ZNF23: variants seen among roughly 807,000 people sequenced by gnomAD.
ZNF23 encodes the protein kruppel-like zinc finger factor X31.
In ZNF23, 48 loss-of-function variants were observed where a neutral mutation model predicts 56.2. The ratio of observed to expected loss-of-function variants is 0.85; its 90% CI spans 0.68 to 1.09. The LOEUF (loss-of-function observed/expected upper bound fraction) is 1.09. Ranked by LOEUF, ZNF23 falls within the 50% of genes least tolerant of loss-of-function variation. The pLI is 0.00. For synonymous variants in ZNF23, 266 were observed against 283.3 expected (o/e 0.94, Z 0.61); for missense variants, 805 against 811.4 (o/e 0.99, Z 0.10).
chr16:71,455,655 C>A (rs958270457), intron 2 of ZNF23, among the ~76,000 whole-genome samples: 2 of 152,108 alleles, frequency 1.3e-5, no homozygotes, highest in African/African-American at 4.8e-5. Context: ...CCACACCCGG[C>A]CATGATTTTT....
At chr16:71,451,717 T>G (rs2043061985) in intron 4 of ZNF23, 1 of 152,196 alleles carries the variant, frequency 6.6e-6, no homozygotes, top group South Asian at 2.1e-4. Flanking sequence ...TCTATGGCAG[T>G]CTGTTATTGT....
At position 71,448,467 on chromosome 16, in the gene ZNF23, T is replaced by C. The variant is rs771249145; in HGVS notation, c.1687A>G (p.Thr563Ala). ...GKAFSINAKL[T>A]RHQRIHTGEK... ...CCAGTATGTATCCTCTGATGCCTAGTTAGTTTGGCATTGATACTGAAGGCT... is the reference window on the plus strand; with the variant it reads ...CCAGTATGTATCCTCTGATGCCTAGCTAGTTTGGCATTGATACTGAAGGCT... Residue 563 changes from threonine (T) to alanine (A), a missense_variant, in exon 5 of 5, where the codon ACT (threonine) becomes GCT (alanine). Coordinates refer to ENST00000647773, the MANE Select transcript of ZNF23 (RefSeq NM_001381984.1). 4.3e-6 allele frequency: 7 copies of C among 1,614,116 alleles called. No homozygotes were observed. The highest frequency in any genetic ancestry group is 5.9e-6 in the Non-Finnish European group (7 of 1,179,938).
At chr16:71,461,596 C>T (rs1487823291) in intron 1 of ZNF23, 1 of 152,140 alleles carries the variant, frequency 6.6e-6, no homozygotes, top group African/African-American at 2.4e-5. Flanking sequence ...TTCGTAATTA[C>T]GTTGTAGAAG....
Position 71,448,280 on chromosome 16 carries a change from T to A in ZNF23, c.1874A>T (p.His625Leu). 1 of 1,614,260 alleles carries A rather than the reference T, an allele frequency of 6.2e-7. No homozygotes were observed. The highest frequency in any genetic ancestry group is 1.1e-5 in the South Asian group (1 of 91,088). The change falls in exon 5 of 5, where the codon CAC becomes CTC. Residue 625 changes from histidine (H) to leucine (L), a missense_variant. His to Leu is a moderately conservative substitution (Grantham distance 99). Coordinates refer to ENST00000647773, the MANE Select transcript of ZNF23 (RefSeq NM_001381984.1). Reference protein sequence around the residue: ...NAHLIRHQRSHTGEKPFRCVE... With the variant: ...NAHLIRHQRSLTGEKPFRCVE... Reference sequence around the variant, plus strand: ...ACATCTGAAGGGTTTCTCCCCAGTGTGGCTTCTCTGATGCCGAATTAAATG... The same window carrying A: ...ACATCTGAAGGGTTTCTCCCCAGTGAGGCTTCTCTGATGCCGAATTAAATG...
At chr16:71,460,526 A>G (rs892992309) in intron 1 of ZNF23, among the ~76,000 whole-genome samples, 9 of 152,240 alleles carry the variant, frequency 5.9e-5, no homozygotes, top group African/African-American at 2.2e-4. Context: ...ACCGTAGCAG[A>G]GCACAGCAAA....
At chr16:71,456,008 A>G (rs2043217491) in intron 2 of ZNF23, 1 of 456,560 alleles carries the variant, frequency 2.2e-6, no homozygotes, top group Non-Finnish European at 4.4e-6. Flanking sequence ...AGGGCTTAGT[A>G]TGGCTCCTGG....
Position 71,456,833 on chromosome 16 carries a change from G to A in ZNF23, c.-32-5C>T. ...CGTCTCAGAGAAGGGCTGGAGCTAA[G>A]GAGAAACACAAAGAGAGACAAGTGT... On this transcript the variant is annotated splice_polypyrimidine_tract_variant and splice_region_variant and intron_variant, in intron 1 of 4. Coordinates refer to ENST00000647773, the MANE Select transcript of ZNF23 (RefSeq NM_001381984.1). 1 of 980,342 alleles carries A rather than the reference G, an allele frequency of 1.0e-6. No individual in the cohort carries two copies. Among genetic ancestry groups the A allele is most frequent in the African/African-American group, 1.7e-5 (1 of 57,220 alleles). The allele number at this position is 980,342 out of a possible 1,614,324, so 60.7% of individuals were successfully genotyped here.
At chr16:71,455,824 G>A (rs1476731696) in intron 2 of ZNF23, among the ~76,000 whole-genome samples, 1 of 152,144 alleles carries the variant, frequency 6.6e-6, no homozygotes, top group East Asian at 1.9e-4. Context: ...ATCTGACCAA[G>A]TTAACATCAC....
intron 1 of ZNF23, chr16:71,461,755 GC>G (rs1422569025): frequency 6.6e-6 from 1 of 152,176 alleles, no homozygotes; most frequent in African/African-American, 2.4e-5. Context: ...CTCCCACTCG[GC>G]CCTAATTCAT....
At chr16:71,460,863 G>A (rs1363599080) in intron 1 of ZNF23, among the ~76,000 whole-genome samples, 2 of 149,506 alleles carry the variant, frequency 1.3e-5, no homozygotes, top group Non-Finnish European at 3.0e-5. Flanking sequence ...AATATTATCA[G>A]CACATTTTAA....
At chr16:71,460,899 A>G (rs1306657935) in intron 1 of ZNF23, among the ~76,000 whole-genome samples, 1 of 152,172 alleles carries the variant, frequency 6.6e-6, no homozygotes, top group Non-Finnish European at 1.5e-5. Flanking sequence ...AACAACCCAC[A>G]TGTCCATTGA....
chr16:71,450,718 C>CA (rs66920642), intron 4 of ZNF23: 17,796 of 344,310 alleles, frequency 0.052, 1 homozygote, highest in South Asian at 0.11. Context: ...GACTCCATCT[C>CA]AAAAAAAAAA....
chr16:71,457,233 C>T (rs1292152029), intron 1 of ZNF23, among the ~76,000 whole-genome samples: 24 of 151,784 alleles, frequency 1.6e-4, no homozygotes, highest in Admixed American at 1.6e-3. Context: ...AGTTCGAGAC[C>T]AGCCTGGACA....
Position 71,448,804 on chromosome 16 carries a change from T to C in ZNF23, c.1350A>G (p.Leu450=). ...CGKAFSVKGK[L]IQHQRIHTGE... ...CTGTGTGAATTCTCTGGTGTTGGAT[T>C]AACTTCCCTTTGACACTGAAGGCTT... is the stretch of plus-strand genomic sequence containing the variant. Residue 450 remains leucine (L), a synonymous_variant, in exon 5 of 5, where the codon TTA becomes TTG. Coordinates refer to ENST00000647773, the MANE Select transcript of ZNF23 (RefSeq NM_001381984.1). 1 of 1,614,196 alleles carries C rather than the reference T, an allele frequency of 6.2e-7. No homozygotes were observed. Among genetic ancestry groups the C allele is most frequent in the Non-Finnish European group, 8.5e-7 (1 of 1,180,030 alleles).
chr16:71,448,341 A>T lies in ZNF23; in HGVS notation c.1813T>A (p.Cys605Ser), dbSNP rs774394508. Residue 605 changes from cysteine to serine, a missense_variant, in exon 5 of 5, where the codon TGT becomes AGT. Physicochemically the swap from Cys to Ser is moderately radical, Grantham distance 112. Transcript: ENST00000647773. ...TGGAAGGCTTTTCCACACTCCTTAC[A>T]CTGAAAGGGTTTCTCTCCTGTATGG... Reference protein sequence around the residue: ...RIHTGEKPFQCKECGKAFHVN... With the variant: ...RIHTGEKPFQSKECGKAFHVN... The T allele has an allele frequency of 1.2e-6, 2 of 1,613,974 alleles. No individual in the cohort carries two copies. The highest frequency in any genetic ancestry group is 1.7e-6 in the Non-Finnish European group (2 of 1,179,982).
intron 2 of ZNF23, among the ~76,000 whole-genome samples, chr16:71,455,359 A>AC (rs1555531037): frequency 6.8e-6 from 1 of 147,972 alleles, no homozygotes; most frequent in Non-Finnish European, 1.5e-5. Context: ...TGTCCGAAAG[A>AC]TTTTTTTTTT....
rs1456278343 is a variant in ZNF23, at chr16:71,457,017, T to C, written c.-32-189A>G. ...GGACTCCAGGCTATGACACTGAAAT[T>C]CACTGCCAGGAACCCTAGGACTTTA... On this transcript the variant is annotated intron_variant, in intron 1 of 4. Transcript: ENST00000647773. Among the ~76,000 whole-genome samples the C allele has an allele frequency of 2.0e-5, 3 of 152,202 alleles. No homozygotes were observed. In the East Asian group the frequency reaches 5.8e-4, roughly 29 times the overall value.
intron 1 of ZNF23, among the ~76,000 whole-genome samples, chr16:71,458,473 G>A (rs532000238): frequency 6.6e-6 from 1 of 152,198 alleles, no homozygotes; most frequent in South Asian, 2.1e-4. Flanking sequence ...TTTTCCCAGG[G>A]TTAGAGTTAG....
At chr16:71,460,527 G>C (rs1247007176) in intron 1 of ZNF23, among the ~76,000 whole-genome samples, 1 of 152,142 alleles carries the variant, frequency 6.6e-6, no homozygotes, top group Non-Finnish European at 1.5e-5. Flanking sequence ...CCGTAGCAGA[G>C]CACAGCAAAG....
Sources: allele counts gnomAD v4.1 joint callset (sites outside exome capture counted in the v4.1 genomes callset), GRCh38; gene constraint gnomAD v4.1.1; transcripts MANE v1.5; gene names NCBI Gene and HGNC (gene_info 2026-07-23, HGNC 2026-07-21).